The following SAMD5 variants were observed in gnomAD, a reference collection of about 807,000 sequenced individuals.
The protein encoded by SAMD5 is sterile alpha motif domain-containing protein 5.
SAMD5 carries 13 observed loss-of-function variants against 11.3 expected under a neutral mutation model. That is an observed-to-expected ratio of 1.15 (90% CI 0.75 to 1.83). The LOEUF is 1.83. SAMD5 is among the 40% of genes most tolerant of loss of function. SAMD5 has a pLI of 0.00. For synonymous variants in SAMD5, 129 were observed against 111.3 expected (o/e 1.16, Z -1.00); for missense variants, 255 against 239.1 (o/e 1.07, Z -0.44).
intron 1 of SAMD5, among the ~76,000 whole-genome samples, chr6:147,559,272 G>A (rs1299455681): frequency 6.6e-6 from 1 of 152,242 alleles, no homozygotes; most frequent in Non-Finnish European, 1.5e-5. Flanking sequence ...GTACAGCAAA[G>A]TACTTTTAAG....
At chr6:147,662,078 G>T (rs555590726) in intron 1 of SAMD5, among the ~76,000 whole-genome samples, 1 of 152,326 alleles carries the variant, frequency 6.6e-6, no homozygotes, top group Admixed American at 6.5e-5. Flanking sequence ...CAGCAGCAAA[G>T]CCCCGATGAC....
the SAMD5 span, among the ~76,000 whole-genome samples, chr6:147,933,413 T>A: frequency 6.6e-6 from 1 of 152,166 alleles, no homozygotes; most frequent in Non-Finnish European, 1.5e-5. Context: ...AATTTCAACA[T>A]AGGGTACTGC....
At chr6:147,599,945 AGGACCAAGAGGTGTGTATG>A (rs1466608249) in intron 1 of SAMD5, among the ~76,000 whole-genome samples, 1 of 151,966 alleles carries the variant, frequency 6.6e-6, no homozygotes, top group South Asian at 2.1e-4. Flanking sequence ...AGGTATATAT[AGGACCAAGAGGTGTGTATG>A]GGACCAGGAG....
chr6:147,519,480 C>G lies in SAMD5; in HGVS notation c.459+10093C>G, dbSNP rs149998636. On this transcript the variant is annotated intron_variant, in intron 1 of 1. Transcript: ENST00000367474. ...GCATTTACCAAACTCAAGCATTATA[C>G]CTTGCAGTTTGTATTGTTTCACTGT... 2.4e-3 allele frequency among the ~76,000 whole-genome samples: 362 copies of G among 152,250 alleles called. 2 individuals carry two copies. The highest frequency in any genetic ancestry group is 8.0e-3 in the African/African-American group (332 of 41,546).
At chr6:147,749,057 C>G in the SAMD5 span, among the ~76,000 whole-genome samples, 1 of 152,174 alleles carries the variant, frequency 6.6e-6, no homozygotes, top group Non-Finnish European at 1.5e-5. Context: ...ATGCTAATAA[C>G]CTCAACTTGC....
chr6:147,607,352 A>G (rs957096651), intron 1 of SAMD5, among the ~76,000 whole-genome samples: 2 of 152,196 alleles, frequency 1.3e-5, no homozygotes, highest in African/African-American at 4.8e-5. Flanking sequence ...ACATGGAACC[A>G]CAAAAGACCT....
the SAMD5 span, among the ~76,000 whole-genome samples, chr6:147,935,623 GAA>G: frequency 0.23 from 35,593 of 151,954 alleles, 4,791 homozygotes; most frequent in African/African-American, 0.36. Flanking sequence ...AAGAAAAAAA[GAA>G]TGCACGTAAA....
At chr6:147,833,761 C>G in the SAMD5 span, among the ~76,000 whole-genome samples, 1 of 152,192 alleles carries the variant, frequency 6.6e-6, no homozygotes, top group Admixed American at 6.5e-5. Flanking sequence ...GCTATCAGTT[C>G]CATTCTTACA....
chr6:147,824,059 G>C, the SAMD5 span, among the ~76,000 whole-genome samples: 1 of 152,176 alleles, frequency 6.6e-6, no homozygotes, highest in African/African-American at 2.4e-5. Flanking sequence ...GGAAAATGCA[G>C]ACCATCCCCT....
rs114171533 is a variant in SAMD5, at chr6:147,649,614, A to G, written c.163-87703A>G. 2.7e-3 allele frequency among the ~76,000 whole-genome samples: 413 copies of G among 152,286 alleles called. 2 individuals are homozygous for G. The highest frequency in any genetic ancestry group is 9.6e-3 in the African/African-American group (398 of 41,566). On this transcript the variant is annotated intron_variant, in intron 1 of 1. Coordinates refer to the SAMD5 transcript ENST00000566741. ...CGAGACCAGCCTGGCCAACATGACA[A>G]AACTCCGTTTCTACAAAAATACAAA...
intron 1 of SAMD5, among the ~76,000 whole-genome samples, chr6:147,703,919 G>A (rs1791290747): frequency 6.6e-6 from 1 of 151,864 alleles, no homozygotes; most frequent in Non-Finnish European, 1.5e-5. Flanking sequence ...ATTTTTAGAC[G>A]GATTCTTGCT....
chr6:147,768,713 A>C, the SAMD5 span, among the ~76,000 whole-genome samples: 1 of 152,296 alleles, frequency 6.6e-6, no homozygotes, highest in East Asian at 1.9e-4. Context: ...ATACATATTT[A>C]AATTGTGGAA....
intron 1 of SAMD5, among the ~76,000 whole-genome samples, chr6:147,564,175 A>G (rs75846041): frequency 0.01 from 1,551 of 152,320 alleles, 22 homozygotes; most frequent in African/African-American, 0.033. Context: ...TAAACAAAAT[A>G]TAGGCTTGAC....
the SAMD5 span, among the ~76,000 whole-genome samples, chr6:147,805,350 C>T: frequency 6.6e-6 from 1 of 152,188 alleles, no homozygotes; most frequent in Admixed American, 6.5e-5. Flanking sequence ...TTCAATGTCA[C>T]TCATTGCCCC....
the SAMD5 span, among the ~76,000 whole-genome samples, chr6:147,866,492 T>C: frequency 0.031 from 4,695 of 152,254 alleles, 96 homozygotes; most frequent in Middle Eastern, 0.048. Context: ...TATTATATAA[T>C]GGTGCATAGG....
At chr6:147,817,744 G>C in the SAMD5 span, among the ~76,000 whole-genome samples, 1 of 152,148 alleles carries the variant, frequency 6.6e-6, no homozygotes, top group Non-Finnish European at 1.5e-5. Flanking sequence ...CCACACTCTT[G>C]GTTCTCAGAG....
At chr6:147,851,436 T>C in the SAMD5 span, among the ~76,000 whole-genome samples, 14 of 152,336 alleles carry the variant, frequency 9.2e-5, no homozygotes, top group South Asian at 2.9e-3. Context: ...TACGGTATTA[T>C]AAGGTTATAC....
At chr6:147,774,736 A>G in the SAMD5 span, among the ~76,000 whole-genome samples, 1 of 152,140 alleles carries the variant, frequency 6.6e-6, no homozygotes, top group Non-Finnish European at 1.5e-5. Context: ...AGATTTTAAA[A>G]TAATATTTTC....
the SAMD5 span, among the ~76,000 whole-genome samples, chr6:147,907,966 T>G: frequency 2.6e-5 from 4 of 152,208 alleles, no homozygotes; most frequent in African/African-American, 9.6e-5. Context: ...TGCAGTAATT[T>G]CAAAGGTGTA....
Sources: allele counts gnomAD v4.1 joint callset (sites outside exome capture counted in the v4.1 genomes callset), GRCh38; gene constraint gnomAD v4.1.1; transcripts MANE v1.5; gene names NCBI Gene and HGNC (gene_info 2026-07-23, HGNC 2026-07-21).